Variants in MAN1A1 observed in about 807,000 individuals in gnomAD.
The protein encoded by MAN1A1 is mannosyl-oligosaccharide 1,2-alpha-mannosidase IA.
Under a neutral mutation model 70.8 loss-of-function variants are expected in MAN1A1, and 29 were observed. The observed-to-expected ratio is 0.41, with a 90% CI of 0.31 to 0.56. The LOEUF (loss-of-function observed/expected upper bound fraction) is 0.56, where lower values mean the gene tolerates loss of function less well. MAN1A1 is among the 20% of genes least tolerant of loss of function. The pLI is 0.29. For synonymous variants in MAN1A1, 349 were observed against 330.1 expected (o/e 1.06, Z -0.62); for missense variants, 747 against 841.3 (o/e 0.89, Z 1.39).
chr6:119,213,716 T>C (rs544325876), intron 6 of MAN1A1, among the ~76,000 whole-genome samples: 35 of 152,316 alleles, frequency 2.3e-4, no homozygotes, highest in African/African-American at 8.4e-4. Flanking sequence ...AAAAAGATAG[T>C]TACATAATAG....
At chr6:119,319,782 C>G (rs1395909814) in intron 2 of MAN1A1, among the ~76,000 whole-genome samples, 1 of 152,134 alleles carries the variant, frequency 6.6e-6, no homozygotes, top group Non-Finnish European at 1.5e-5. Context: ...AATGTTCTTT[C>G]CTGGCCTCTT....
At chr6:119,246,228 T>C (rs966315349) in intron 6 of MAN1A1, among the ~76,000 whole-genome samples, 1 of 152,186 alleles carries the variant, frequency 6.6e-6, no homozygotes, top group African/African-American at 2.4e-5. Context: ...TTAGTAGGCC[T>C]TTCTCCAATT....
intron 6 of MAN1A1, among the ~76,000 whole-genome samples, chr6:119,221,956 G>A (rs917961896): frequency 1.3e-5 from 2 of 152,006 alleles, no homozygotes; most frequent in African/African-American, 4.8e-5. Flanking sequence ...ATACTTTTGG[G>A]AAATTATTTT....
At chr6:119,343,316 A>T (rs189190244) in intron 2 of MAN1A1, among the ~76,000 whole-genome samples, 1 of 152,320 alleles carries the variant, frequency 6.6e-6, no homozygotes, top group East Asian at 1.9e-4. Context: ...CAACACTCAC[A>T]GAAGACTGGG....
At chr6:119,297,225 G>A (rs145468415) in intron 4 of MAN1A1, among the ~76,000 whole-genome samples, 61 of 152,274 alleles carry the variant, frequency 4.0e-4, no homozygotes, top group Middle Eastern at 3.4e-3. Flanking sequence ...GTAATAACAG[G>A]TAGACCAAGT....
At chr6:119,289,913 C>A (rs1018450258) in intron 5 of MAN1A1, among the ~76,000 whole-genome samples, 3 of 151,988 alleles carry the variant, frequency 2.0e-5, no homozygotes, top group Non-Finnish European at 4.4e-5. Context: ...GACTGACGTG[C>A]AACTGAAATA....
intron 3 of MAN1A1, among the ~76,000 whole-genome samples, chr6:119,303,601 T>C (rs1043751961): frequency 6.6e-6 from 1 of 152,156 alleles, no homozygotes; most frequent in South Asian, 2.1e-4. Context: ...CGTAACTGTA[T>C]ACTTGGATCT....
intron 2 of MAN1A1, among the ~76,000 whole-genome samples, chr6:119,315,598 G>A (rs897952162): frequency 4.6e-5 from 7 of 152,040 alleles, no homozygotes; most frequent in Non-Finnish European, 8.8e-5. Flanking sequence ...GGGTACAGGG[G>A]AAAAGAAAAA....
At chr6:119,340,298 G>A (rs773314399) in intron 2 of MAN1A1, among the ~76,000 whole-genome samples, 2 of 152,066 alleles carry the variant, frequency 1.3e-5, no homozygotes, top group Non-Finnish European at 2.9e-5. Context: ...ATGTATTCCC[G>A]TGAAAGAGGA....
chr6:119,324,999 T>C (rs375984229), intron 2 of MAN1A1, among the ~76,000 whole-genome samples: 3 of 152,170 alleles, frequency 2.0e-5, no homozygotes, highest in Admixed American at 6.5e-5. Context: ...AAATGTACCC[T>C]GGGAAGCAAA....
intron 5 of MAN1A1, among the ~76,000 whole-genome samples, chr6:119,254,882 T>C (rs1775419642): frequency 6.6e-6 from 1 of 152,192 alleles, no homozygotes. Context: ...TAAAAACTTT[T>C]ATAGCCTAAA....
At chr6:119,231,740 G>T (rs934844538) in intron 6 of MAN1A1, among the ~76,000 whole-genome samples, 1 of 152,108 alleles carries the variant, frequency 6.6e-6, no homozygotes, top group Non-Finnish European at 1.5e-5. Flanking sequence ...ATAGTTTCAC[G>T]TTTGATCACA....
intron 5 of MAN1A1, among the ~76,000 whole-genome samples, chr6:119,265,686 G>C (rs1775734145): frequency 6.6e-6 from 1 of 151,926 alleles, no homozygotes; most frequent in Non-Finnish European, 1.5e-5. Context: ...TCATAATACG[G>C]TGAGAAATAG....
chr6:119,349,018 G>T lies in MAN1A1; in HGVS notation c.48C>A (p.Gly16=). Residue 16 remains glycine, a synonymous_variant, in exon 2 of 13, where the codon GGC becomes GGA. Transcript: ENST00000368468. ...LLPLFSSPAG[G]VLGGGLGGGG... Reference sequence around the variant, plus strand: ...CGCCGCCGAGCCCCCCGCCCAGGACGCCGCCCGCGGGGCTGCTGAAGAGCG... The same window carrying T: ...CGCCGCCGAGCCCCCCGCCCAGGACTCCGCCCGCGGGGCTGCTGAAGAGCG... 7.3e-7 allele frequency: 1 copy of T among 1,369,428 alleles called. No individual in the cohort carries two copies. The highest frequency in any genetic ancestry group is 9.5e-7 in the Non-Finnish European group (1 of 1,057,268). 84.8% of individuals were successfully genotyped at this position (1,369,428 alleles called of 1,614,324 possible).
At chr6:119,266,882 A>G (rs1016399207) in intron 5 of MAN1A1, among the ~76,000 whole-genome samples, 1 of 152,242 alleles carries the variant, frequency 6.6e-6, no homozygotes, top group East Asian at 1.9e-4. Flanking sequence ...GAACTCTTCA[A>G]AATAATGAGA....
At chr6:119,230,630 T>A (rs575284983) in intron 6 of MAN1A1, among the ~76,000 whole-genome samples, 25 of 152,330 alleles carry the variant, frequency 1.6e-4, no homozygotes, top group African/African-American at 4.6e-4. Flanking sequence ...TTAACTAATG[T>A]TTGTCTCTTC....
intron 5 of MAN1A1, among the ~76,000 whole-genome samples, chr6:119,275,277 A>T (rs1300396012): frequency 7.6e-5 from 4 of 52,850 alleles, no homozygotes; most frequent in African/African-American, 2.8e-4. Context: ...TACCCAGCTA[A>T]TTTTTTTTTT....
intron 2 of MAN1A1, among the ~76,000 whole-genome samples, chr6:119,331,438 T>A (rs957108905): frequency 2.0e-5 from 3 of 151,872 alleles, no homozygotes; most frequent in Admixed American, 6.6e-5. Flanking sequence ...CAAATTTAGA[T>A]TTGTTTCTTC....
intron 8 of MAN1A1, among the ~76,000 whole-genome samples, chr6:119,195,110 A>T (rs1222035417): frequency 1.3e-5 from 2 of 152,034 alleles, no homozygotes; most frequent in Non-Finnish European, 2.9e-5. Context: ...GGGATTACAG[A>T]CATGAGGCAC....
Sources: gnomAD v4.1 joint callset for allele counts (sites outside exome capture counted in the v4.1 genomes callset) on GRCh38, gnomAD v4.1.1 for gene constraint, MANE v1.5 for transcripts, NCBI Gene and HGNC (gene_info 2026-07-23, HGNC 2026-07-21) for gene names.